The following HMGCLL1 variants were observed in gnomAD, a reference collection of about 807,000 sequenced individuals.
HMGCLL1 encodes the protein 3-hydroxy-3-methylglutaryl-CoA lyase like 1.
In HMGCLL1, 36 loss-of-function variants were observed where a neutral mutation model predicts 39.1. The ratio of observed to expected loss-of-function variants is 0.92; its 90% CI spans 0.71 to 1.22. The LOEUF is 1.22. Among genes scored for constraint, HMGCLL1 ranks in the 50% most tolerant of loss-of-function variants. The pLI is 0.00. For missense variants in HMGCLL1, 451 were observed against 416.5 expected (o/e 1.08, Z -0.72); for synonymous variants, 149 against 144.0 (o/e 1.03, Z -0.25).
chr6:55,521,959 A>G (rs1158059868), intron 3 of HMGCLL1, among the ~76,000 whole-genome samples: 1 of 152,186 alleles, frequency 6.6e-6, no homozygotes, highest in Admixed American at 6.6e-5. Context: ...TCAGAAGGGA[A>G]TTAAAAGTGC....
chr6:55,638,063 T>C, the HMGCLL1 span, among the ~76,000 whole-genome samples: 1 of 152,066 alleles, frequency 6.6e-6, no homozygotes, highest in East Asian at 1.9e-4. Context: ...TAAGTCTCCA[T>C]TGCAATTGTG....
chr6:55,501,448 A>T (rs1372073205), intron 5 of HMGCLL1, among the ~76,000 whole-genome samples: 1 of 151,854 alleles, frequency 6.6e-6, no homozygotes, highest in Non-Finnish European at 1.5e-5. Context: ...ATTGTCTGGA[A>T]CTTTACAGAA....
At chr6:55,445,338 A>C (rs1230998645) in intron 7 of HMGCLL1, among the ~76,000 whole-genome samples, 1 of 152,000 alleles carries the variant, frequency 6.6e-6, no homozygotes, top group East Asian at 1.9e-4. Context: ...TTATTTCACT[A>C]TGTATGTTTT....
chr6:55,510,511 AATC>A (rs1767398065), intron 5 of HMGCLL1, among the ~76,000 whole-genome samples: 1 of 151,340 alleles, frequency 6.6e-6, no homozygotes, highest in Admixed American at 6.6e-5. Flanking sequence ...TGAAATTGGA[AATC>A]ATCATTCTCG....
intron 1 of HMGCLL1, among the ~76,000 whole-genome samples, chr6:55,542,857 A>G (rs1177607095): frequency 1.2e-4 from 16 of 137,408 alleles, no homozygotes; most frequent in African/African-American, 4.3e-4. Flanking sequence ...AAATATATAT[A>G]TATTTATATA....
At chr6:55,589,635 T>C in the HMGCLL1 span, among the ~76,000 whole-genome samples, 2 of 152,128 alleles carry the variant, frequency 1.3e-5, no homozygotes, top group African/African-American at 2.4e-5. Context: ...GATCACATGA[T>C]TGTATATCTA....
chr6:55,584,009 C>T (rs1229149966), upstream of HMGCLL1, among the ~76,000 whole-genome samples: 2 of 151,952 alleles, frequency 1.3e-5, no homozygotes, highest in African/African-American at 4.8e-5. Context: ...TGTTCATGGC[C>T]CAGTTAACTA....
At chr6:55,490,393 A>G (rs1489207505) in intron 7 of HMGCLL1, among the ~76,000 whole-genome samples, 2 of 152,158 alleles carry the variant, frequency 1.3e-5, no homozygotes, top group African/African-American at 4.8e-5. Flanking sequence ...TAAAAAGAAA[A>G]TCAACAAACA....
At chr6:55,477,804 A>G (rs1765536773) in intron 7 of HMGCLL1, among the ~76,000 whole-genome samples, 1 of 150,546 alleles carries the variant, frequency 6.6e-6, no homozygotes, top group African/African-American at 2.5e-5. Context: ...ACATTAGTAA[A>G]TTTGGTTTAC....
intron 1 of HMGCLL1, among the ~76,000 whole-genome samples, chr6:55,560,596 T>C (rs1770899085): frequency 6.6e-6 from 1 of 152,138 alleles, no homozygotes; most frequent in Non-Finnish European, 1.5e-5. Context: ...CACCTTCATT[T>C]AATCGCCTCT....
At chr6:55,490,933 TA>T (rs1408431539) in intron 7 of HMGCLL1, among the ~76,000 whole-genome samples, 2 of 152,062 alleles carry the variant, frequency 1.3e-5, no homozygotes, top group Admixed American at 6.6e-5. Context: ...CAACCACTTG[TA>T]AAAAACATAT....
chr6:55,548,811 T>A (rs1770143666), intron 1 of HMGCLL1, among the ~76,000 whole-genome samples: 1 of 149,872 alleles, frequency 6.7e-6, no homozygotes, highest in South Asian at 2.1e-4. Context: ...AAATGAAGAA[T>A]ATTAAGTTTA....
chr6:55,499,141 T>C lies in HMGCLL1; in HGVS notation c.606+95A>G, dbSNP rs867392928. On this transcript the variant is annotated intron_variant, in intron 6 of 8. Transcript: ENST00000274901. Reference sequence around the variant, plus strand: ...GTTCGCCTCTTAATCCATGGCTTCATGCTATGCAGATTCAATAAATATTAA... The same window carrying C: ...GTTCGCCTCTTAATCCATGGCTTCACGCTATGCAGATTCAATAAATATTAA... The C allele has an allele frequency of 2.7e-5, 26 of 947,724 alleles. No homozygotes were observed. The South Asian group carries it at 4.1e-4, about 15-fold the overall frequency. 58.7% of individuals were successfully genotyped at this position (947,724 alleles called of 1,614,324 possible).
intron 6 of HMGCLL1, among the ~76,000 whole-genome samples, chr6:55,496,521 T>A (rs946616350): frequency 5.3e-5 from 8 of 152,198 alleles, no homozygotes; most frequent in Non-Finnish European, 7.3e-5. Flanking sequence ...ATCCTGGTGA[T>A]GCTAATCATC....
At chr6:55,641,702 C>A in the HMGCLL1 span, among the ~76,000 whole-genome samples, 3 of 151,698 alleles carry the variant, frequency 2.0e-5, no homozygotes, top group African/African-American at 7.3e-5. Flanking sequence ...AATACGTATT[C>A]TATAACTAGA....
chr6:55,511,532 T>C (rs4278020), intron 5 of HMGCLL1, among the ~76,000 whole-genome samples: 99,711 of 134,470 alleles, frequency 0.74, 32,921 homozygotes, highest in Non-Finnish European at 0.77. Context: ...TTTTATAAAA[T>C]GTGTACTGCT....
intron 3 of HMGCLL1, among the ~76,000 whole-genome samples, chr6:55,529,850 A>T (rs1213615021): frequency 6.6e-6 from 1 of 152,166 alleles, no homozygotes; most frequent in African/African-American, 2.4e-5. Flanking sequence ...AGAACTCAAT[A>T]CAGTTTTGAA....
At chr6:55,439,600 G>A in intron 7 of HMGCLL1, 41 bp from the exon 8 acceptor site, 2 of 1,591,666 alleles carry the variant, frequency 1.3e-6, no homozygotes, top group Non-Finnish European at 1.7e-6. Context: ...GTGTGTTTAT[G>A]GCATGTAAAT....
the HMGCLL1 span, among the ~76,000 whole-genome samples, chr6:55,594,445 A>G: frequency 1.3e-5 from 2 of 152,072 alleles, no homozygotes; most frequent in African/African-American, 2.4e-5. Context: ...AGTTAAGTCA[A>G]CCTTCACATT....
Sources: gnomAD v4.1 joint callset for allele counts (sites outside exome capture counted in the v4.1 genomes callset) on GRCh38, gnomAD v4.1.1 for gene constraint, MANE v1.5 for transcripts, NCBI Gene and HGNC (gene_info 2026-07-23, HGNC 2026-07-21) for gene names.